The following SERPINB4 variants were observed in gnomAD, a reference collection of about 807,000 sequenced individuals.
SERPINB4 encodes serpin family B member 4, also known as serpin B4.
In SERPINB4, 39 loss-of-function variants were observed where a neutral mutation model predicts 33.2. The observed-to-expected ratio is 1.18, with a 90% CI of 0.91 to 1.53. SERPINB4 has a LOEUF of 1.53. Ranked by LOEUF, SERPINB4 falls within the 40% of genes most tolerant of loss-of-function variation. The pLI, the probability that SERPINB4 is intolerant of heterozygous loss-of-function variation, is 0.00. For missense variants in SERPINB4, 564 were observed against 455.4 expected, an observed-to-expected ratio of 1.24 and a Z score of -2.17; for synonymous variants, 191 against 166.4, an observed-to-expected ratio of 1.15 and a Z score of -1.14.
In SERPINB4 at chr18:63,637,854, G is replaced by A. The variant is rs2144461107; in HGVS notation, c.1038C>T (p.Ala346=). Residue 346 remains alanine, a synonymous_variant, in exon 8 of 8, where the codon GCC becomes GCT. Transcript: ENST00000341074. ...VTEEGVEAAA[A]TAVVVVELSS... ...ATAATTCGACTACTACTACAGCGGT[G>A]GCAGCTGCAGCTTCCACTCCCTCCT... 1.9e-6 allele frequency: 3 copies of A among 1,613,454 alleles called. No individual in the cohort carries two copies. Among genetic ancestry groups the A allele is most frequent in the Non-Finnish European group, 2.5e-6 (3 of 1,179,688 alleles).
At chr18:63,638,880 G>A (rs941736801) in intron 7 of SERPINB4, among the ~76,000 whole-genome samples, 2 of 151,164 alleles carry the variant, frequency 1.3e-5, no homozygotes, top group African/African-American at 2.4e-5. Context: ...GTTAATGGGT[G>A]CAGCACACCA....
intron 3 of SERPINB4, 90 bp downstream of exon 3, chr18:63,643,071 C>G: frequency 6.5e-7 from 1 of 1,532,124 alleles, no homozygotes. Flanking sequence ...TTCCCTAAAA[C>G]TGGCCTTTTC....
In SERPINB4 at chr18:63,643,531, A is replaced by G. The variant is rs1173105680; in HGVS notation, c.47T>C (p.Phe16Ser). 1.2e-6 allele frequency: 2 copies of G among 1,613,562 alleles called. No homozygotes were observed. The highest frequency in any genetic ancestry group is 1.6e-4 in the Middle Eastern group (1 of 6,080). ...EANTKFMFDLFQQFRKSKENN... is the reference protein window; with the variant it reads ...EANTKFMFDLSQQFRKSKENN... ...CTCTTTTGATTTTCTGAACTGTTGG[A>G]ACAGATCGAACATGAACTTGGTGTT... The change falls in exon 2 of 8, where the codon TTC (phenylalanine) becomes TCC (serine). Residue 16 changes from phenylalanine to serine, a missense_variant. By Grantham distance (155) the Phe-to-Ser change is radical (BLOSUM62 -2). Transcript: ENST00000341074.
At chr18:63,639,539 T>A in intron 6 of SERPINB4, 95 bp downstream of exon 6, 1 of 1,068,540 alleles carries the variant, frequency 9.4e-7, no homozygotes, top group African/African-American at 1.6e-5. Flanking sequence ...CATGAACAAT[T>A]TTTATTTTTT....
intron 5 of SERPINB4, 124 bp downstream of exon 5, chr18:63,640,750 C>T (rs1568163876): frequency 1.4e-6 from 1 of 729,272 alleles, no homozygotes; most frequent in Non-Finnish European, 2.3e-6. Flanking sequence ...ATCTGGAGTG[C>T]CCTCTTCAGC....
chr18:63,640,453 A>G lies in SERPINB4; in HGVS notation c.469+421T>C, dbSNP rs1383266370. Reference sequence around the variant, plus strand: ...ATCCAGGCAGCTCCAGCTCAGAGACAAAAGGGTGATTTACCAGAGAGCTGC... The same window carrying G: ...ATCCAGGCAGCTCCAGCTCAGAGACGAAAGGGTGATTTACCAGAGAGCTGC... On this transcript the variant is annotated intron_variant, in intron 5 of 7. Transcript: ENST00000341074. 2.0e-5 allele frequency among the ~76,000 whole-genome samples: 3 copies of G among 152,234 alleles called. No homozygotes were observed. The East Asian group carries it at 5.8e-4, about 29-fold the overall frequency.
In SERPINB4 at chr18:63,638,042, A is replaced by C; in HGVS notation, c.850T>G (p.Leu284Val). 1.2e-6 allele frequency: 2 copies of C among 1,613,590 alleles called. No homozygotes were observed. Among genetic ancestry groups the C allele is most frequent in the Non-Finnish European group, 1.7e-6 (2 of 1,179,738 alleles). Residue 284 changes from leucine to valine, a missense_variant, in exon 8 of 8, where the codon TTA (leucine) becomes GTA (valine). Coordinates refer to ENST00000341074, the MANE Select transcript of SERPINB4 (RefSeq NM_002974.4). The part of the protein sequence containing the change: ...NMRETCVDLH[L>V]PRFKMEESYD... ...CTCTCTTCCATTTTGAACCGAGGTAAGTGTAAATCGACACATGTCTCTCTC... is the reference window on the plus strand; with the variant it reads ...CTCTCTTCCATTTTGAACCGAGGTACGTGTAAATCGACACATGTCTCTCTC...
rs574883725 is a variant in SERPINB4, at chr18:63,638,240, G to C, written c.769-117C>G. 69 of 1,182,258 alleles carry C rather than the reference G, an allele frequency of 5.8e-5. No homozygotes were observed. The African/African-American group carries it at 1.0e-3, about 18-fold the overall frequency. The allele number at this position is 1,182,258 out of a possible 1,614,324, so 73.2% of individuals were successfully genotyped here. ...TGGCAATAAATGTGAAATACAGAAGGTTCACTTTAATAGACATTATTATTC... is the reference window on the plus strand; with the variant it reads ...TGGCAATAAATGTGAAATACAGAAGCTTCACTTTAATAGACATTATTATTC... On this transcript the variant is annotated intron_variant, in intron 7 of 7. Transcript: ENST00000341074.
At chr18:63,639,527 G>A in intron 6 of SERPINB4, 107 bp downstream of exon 6, 1 of 1,021,776 alleles carries the variant, frequency 9.8e-7, no homozygotes, top group Non-Finnish European at 1.4e-6. Context: ...CAAAATAACA[G>A]ACATGAACAA....
intron 1 of SERPINB4, among the ~76,000 whole-genome samples, 186 bp downstream of exon 1, chr18:63,644,023 T>G (rs1913231320): frequency 6.6e-6 from 1 of 151,722 alleles, no homozygotes; most frequent in Admixed American, 6.6e-5. Flanking sequence ...GTGCCTTGGT[T>G]TACTTGGAAC....
In SERPINB4 at chr18:63,639,709, T is replaced by G; in HGVS notation, c.537A>C (p.Ala179=). 2 of 1,612,166 alleles carry G rather than the reference T, an allele frequency of 1.2e-6. No homozygotes were observed. Among genetic ancestry groups the G allele is most frequent in the Non-Finnish European group, 1.7e-6 (2 of 1,178,570 alleles). The change falls in exon 6 of 8, where the codon GCA becomes GCC. Residue 179 remains alanine (A), a synonymous_variant. Transcript: ENST00000341074. ...TCTCCCACTGCCCTTTGAAATAGAT[T>G]GCGTTCACAAGAACCAGTGTCGTAT... The part of the protein sequence containing the change: ...GNDTTLVLVN[A]IYFKGQWENK...
chr18:63,641,034 T>C, intron 4 of SERPINB4, 43 bp from the exon 5 acceptor site: 1 of 1,508,958 alleles, frequency 6.6e-7, no homozygotes, highest in Non-Finnish European at 9.2e-7. Context: ...GAGTAATTTA[T>C]GTAACTATAT....
intron 5 of SERPINB4, among the ~76,000 whole-genome samples, chr18:63,640,279 TCTC>T (rs1913082301): frequency 6.6e-6 from 1 of 152,006 alleles, no homozygotes; most frequent in Non-Finnish European, 1.5e-5. Context: ...TCCTATTCAC[TCTC>T]ATGTTGAGTT....
intron 2 of SERPINB4, 28 bp downstream of exon 2, chr18:63,643,385 A>G (rs2144477111): frequency 2.5e-6 from 4 of 1,613,150 alleles, no homozygotes; most frequent in South Asian, 1.1e-5. Flanking sequence ...AAACTGCAAC[A>G]GGACAACGTA....
chr18:63,643,261 A>T (rs748440971), intron 2 of SERPINB4, 44 bp from the exon 3 acceptor site: 1 of 1,612,900 alleles, frequency 6.2e-7, no homozygotes, highest in South Asian at 1.1e-5. Context: ...TACTCAAAAG[A>T]TCTGTTTAAG....
chr18:63,641,735 A>G (rs375645676), intron 4 of SERPINB4, 25 bp downstream of exon 4: 64 of 1,612,862 alleles, frequency 4.0e-5, no homozygotes, highest in Non-Finnish European at 5.1e-5. Flanking sequence ...TGCAAATGAA[A>G]TGTGGGTAGG....
chr18:63,638,031 G>T lies in SERPINB4; in HGVS notation c.861C>A (p.Phe287Leu). ...ETCVDLHLPR[F>L]KMEESYDLKD... The stretch of plus-strand genomic sequence containing the variant: ...TGAGGTCATAGCTCTCTTCCATTTT[G>T]AACCGAGGTAAGTGTAAATCGACAC... The change falls in exon 8 of 8, where the codon TTC becomes TTA. Residue 287 changes from phenylalanine to leucine, a missense_variant. Coordinates refer to ENST00000341074, the MANE Select transcript of SERPINB4 (RefSeq NM_002974.4). 6.2e-7 allele frequency: 1 copy of T among 1,613,556 alleles called. No homozygotes were observed. The highest frequency in any genetic ancestry group is 8.5e-7 in the Non-Finnish European group (1 of 1,179,734).
At position 63,639,326 on chromosome 18, in the gene SERPINB4, A is replaced by T. The variant is rs1421230285; in HGVS notation, c.627T>A (p.Ser209=). ...AATTGTATTGCCTCATCATCTGTAC[A>T]GATTTGTATGTATTCTGCAATAAAT... ...KFWPNKNTYK[S]VQMMRQYNSF... Residue 209 remains serine (S), a synonymous_variant, in exon 7 of 8, where the codon TCT becomes TCA. Transcript: ENST00000341074. 6.2e-7 allele frequency: 1 copy of T among 1,607,262 alleles called. No homozygotes were observed. The highest frequency in any genetic ancestry group is 1.3e-5 in the African/African-American group (1 of 74,750).
At position 63,638,057 on chromosome 18, in the gene SERPINB4, A is replaced by G. The variant is rs576273012; in HGVS notation, c.835T>C (p.Cys279Arg). 7.1e-5 allele frequency: 114 copies of G among 1,612,896 alleles called. No individual in the cohort carries two copies. Among genetic ancestry groups the G allele is most frequent in the South Asian group, 5.8e-4 (53 of 91,058 alleles). Residue 279 changes from cysteine (C) to arginine (R), a missense_variant, in exon 8 of 8, where the codon TGT becomes CGT. Transcript: ENST00000341074. ...WTSLQNMRET[C>R]VDLHLPRFKM... ...AACCGAGGTAAGTGTAAATCGACAC[A>G]TGTCTCTCTCATATTCTGCAAACTT...
Sources: allele counts gnomAD v4.1 joint callset (sites outside exome capture counted in the v4.1 genomes callset), GRCh38; gene constraint gnomAD v4.1.1; transcripts MANE v1.5; gene names NCBI Gene and HGNC (gene_info 2026-07-23, HGNC 2026-07-21).